C10orf143: variants seen among roughly 807,000 people sequenced by gnomAD.
C10orf143 encodes uncharacterized protein C10orf143.
rs1162807055 is a variant in C10orf143, at chr10:130,084,815, G to C, written c.70-4914C>G. Among the ~76,000 whole-genome samples the C allele has an allele frequency of 2.6e-5, 4 of 152,232 alleles. No homozygotes were observed. The East Asian group carries it at 7.7e-4, about 29-fold the overall frequency. On this transcript the variant is annotated intron_variant, in intron 1 of 3. Transcript: ENST00000637128. ...ACTCCATGGGAAGCAGCTGATTCAG[G>C]GAAGGAGTAGGGAAAATACAAGATG...
downstream of C10orf143, among the ~76,000 whole-genome samples, chr10:130,061,167 T>C (rs142788180): frequency 6.6e-6 from 1 of 152,176 alleles, no homozygotes; most frequent in Non-Finnish European, 1.5e-5. Flanking sequence ...ATTTTAAAAG[T>C]ACATGCTTGG....
At chr10:130,104,896 G>C (rs1861615276) in intron 1 of C10orf143, 1 of 152,068 alleles carries the variant, frequency 6.6e-6, no homozygotes, top group East Asian at 1.9e-4. Flanking sequence ...AGCCAATTTA[G>C]GACTTCATTG....
Position 130,084,778 on chromosome 10 carries a change from A to C in C10orf143, c.70-4877T>G, listed in dbSNP as rs568574486. ...GGTTTCGAAATACCATTTTCCCTTAAAAGGAATCTGGACTCCATGGGAAGC... is the reference window on the plus strand; with the variant it reads ...GGTTTCGAAATACCATTTTCCCTTACAAGGAATCTGGACTCCATGGGAAGC... On this transcript the variant is annotated intron_variant, in intron 1 of 3. Transcript: ENST00000637128. Among the ~76,000 whole-genome samples the C allele has an allele frequency of 2.0e-4, 30 of 152,226 alleles. No homozygotes were observed. In the East Asian group the frequency reaches 5.6e-3, roughly 28 times the overall value.
chr10:130,044,275 C>A (rs184822445), intron 3 of C10orf143, among the ~76,000 whole-genome samples: 1 of 152,062 alleles, frequency 6.6e-6, no homozygotes, highest in Non-Finnish European at 1.5e-5. Flanking sequence ...TGATGGGGGC[C>A]GAGCTGGGAA....
chr10:130,044,754 T>G (rs1308320410), intron 3 of C10orf143, among the ~76,000 whole-genome samples: 2 of 152,132 alleles, frequency 1.3e-5, no homozygotes, highest in Admixed American at 6.5e-5. Context: ...AACGGACCAC[T>G]TGTCAGCCTT....
chr10:130,035,536 C>T (rs1860535375), intron 4 of C10orf143, among the ~76,000 whole-genome samples: 1 of 152,166 alleles, frequency 6.6e-6, no homozygotes, highest in African/African-American at 2.4e-5. Context: ...GCCTCATGGC[C>T]CCTATGTTGT....
intron 1 of C10orf143, among the ~76,000 whole-genome samples, chr10:130,085,019 G>C (rs1861268978): frequency 6.6e-6 from 1 of 152,134 alleles, no homozygotes; most frequent in South Asian, 2.1e-4. Context: ...ATGCCTATTA[G>C]TCTACCCATA....
Position 130,064,055 on chromosome 10 carries a change from G to T in C10orf143, c.*299C>A. On this transcript the variant is annotated 3_prime_UTR_variant, in exon 4 of 4. Coordinates refer to ENST00000637128, the MANE Select transcript of C10orf143 (RefSeq NM_001355042.2). ...TAGGAAGTTTGATACAAAATTTTTT[G>T]ACTTGTAAATAATGCAATTGATCTC... The T allele has an allele frequency of 3.5e-6, 1 of 282,200 alleles. No individual in the cohort carries two copies. Among genetic ancestry groups the T allele is most frequent in the Non-Finnish European group, 6.5e-6 (1 of 152,926 alleles). 17.5% of individuals were successfully genotyped at this position (282,200 alleles called of 1,614,324 possible).
intron 3 of C10orf143, among the ~76,000 whole-genome samples, chr10:130,054,612 G>A (rs181059541): frequency 6.6e-5 from 10 of 152,130 alleles, no homozygotes; most frequent in South Asian, 2.1e-4. Flanking sequence ...TTTCCATAGC[G>A]GCTGCACCAT....
intron 3 of C10orf143, among the ~76,000 whole-genome samples, chr10:130,037,983 A>G (rs550261484): frequency 6.6e-6 from 1 of 152,284 alleles, no homozygotes; most frequent in Non-Finnish European, 1.5e-5. Context: ...CTGCGAATAC[A>G]TTCTCATTTT....
intron 1 of C10orf143, chr10:130,106,506 A>G: frequency 3.1e-6 from 5 of 1,601,310 alleles, no homozygotes; most frequent in Non-Finnish European, 4.3e-6. Context: ...GAGTTAAAAG[A>G]AGAGAAATCT....
chr10:130,063,071 G>A (rs1233885411), downstream of C10orf143, among the ~76,000 whole-genome samples: 2 of 152,130 alleles, frequency 1.3e-5, no homozygotes, highest in African/African-American at 4.8e-5. Flanking sequence ...GGGAACTCAC[G>A]TCTGTCTGAC....
chr10:130,073,283 G>A (rs1472533636), intron 3 of C10orf143, among the ~76,000 whole-genome samples: 2 of 152,128 alleles, frequency 1.3e-5, no homozygotes, highest in Admixed American at 6.5e-5. Context: ...TTATGGCAGG[G>A]CTTCTACTTT....
chr10:130,101,950 TA>T (rs1181274368), intron 1 of C10orf143, among the ~76,000 whole-genome samples: 5 of 148,652 alleles, frequency 3.4e-5, no homozygotes, highest in Non-Finnish European at 7.4e-5. Flanking sequence ...AAGAAATGTT[TA>T]AAAAAAATTC....
intron 1 of C10orf143, among the ~76,000 whole-genome samples, chr10:130,088,957 A>G (rs558953992): frequency 6.6e-6 from 1 of 152,288 alleles, no homozygotes; most frequent in Admixed American, 6.5e-5. Flanking sequence ...TACCAACAGG[A>G]TCTTAACATC....
At chr10:130,108,055 TTTAAATATCCCTGATTCA>T in intron 1 of C10orf143, 1 of 1,486,506 alleles carries the variant, frequency 6.7e-7, no homozygotes, top group South Asian at 1.1e-5. Context: ...ATCTTGGTAA[TTTAAATATCCCTGATTCA>T]TCTCTCCCTG....
chr10:130,073,629 TA>T (rs2134757598), intron 3 of C10orf143, among the ~76,000 whole-genome samples: 1 of 152,116 alleles, frequency 6.6e-6, no homozygotes, highest in South Asian at 2.1e-4. Context: ...GTTTTTTTTT[TA>T]TCAGAGTCTA....
intron 1 of C10orf143, among the ~76,000 whole-genome samples, chr10:130,098,363 G>A (rs900855758): frequency 2.6e-5 from 4 of 152,028 alleles, no homozygotes; most frequent in East Asian, 1.9e-4. Flanking sequence ...TAAATAACAC[G>A]GTCTTGGTAA....
chr10:130,107,526 A>G, intron 1 of C10orf143: 1 of 1,350,102 alleles, frequency 7.4e-7, no homozygotes, highest in South Asian at 1.2e-5. Context: ...TATAAAATAA[A>G]ACTTCTAAAA....
Sources: allele counts gnomAD v4.1 joint callset (sites outside exome capture counted in the v4.1 genomes callset), GRCh38; gene constraint gnomAD v4.1.1; transcripts MANE v1.5; gene names NCBI Gene and HGNC (gene_info 2026-07-23, HGNC 2026-07-21).